UNC80: variants seen among roughly 807,000 people sequenced by gnomAD.
UNC80 encodes protein unc-80 homolog.
A neutral mutation model predicts 384.6 loss-of-function variants in UNC80; 164 were observed. The ratio of observed to expected loss-of-function variants is 0.43; its 90% CI spans 0.38 to 0.49. The LOEUF is 0.49. UNC80 is among the 20% of genes least tolerant of loss of function. UNC80 has a pLI of 0.00. For missense variants in UNC80, 3,330 were observed against 4,143.0 expected, an observed-to-expected ratio of 0.80 and a Z score of 5.39; for synonymous variants, 1,486 against 1,527.8, an observed-to-expected ratio of 0.97 and a Z score of 0.64.
At chr2:209,925,409 C>A (rs1036320788) in intron 35 of UNC80, among the ~76,000 whole-genome samples, 2 of 152,154 alleles carry the variant, frequency 1.3e-5, no homozygotes, top group Non-Finnish European at 2.9e-5. Context: ...AAAGGTAATG[C>A]GGACCCAAAG....
chr2:209,864,287 G>T (rs972633978), intron 22 of UNC80, among the ~76,000 whole-genome samples: 13 of 152,014 alleles, frequency 8.6e-5, no homozygotes, highest in Admixed American at 1.3e-4. Context: ...CCCTTTATAG[G>T]GTGTCTGACA....
intron 42 of UNC80, among the ~76,000 whole-genome samples, chr2:209,938,682 C>G (rs368953200): frequency 1.0e-5 from 1 of 99,700 alleles, no homozygotes; most frequent in African/African-American, 6.2e-5. Flanking sequence ...CTCTGTCTCT[C>G]TCTCTCTCTC....
chr2:209,812,313 G>T (rs2079423696), intron 7 of UNC80, among the ~76,000 whole-genome samples: 1 of 151,862 alleles, frequency 6.6e-6, no homozygotes, highest in Non-Finnish European at 1.5e-5. Flanking sequence ...GTCCGCCTCG[G>T]CCTCCCAAAG....
At chr2:209,853,990 A>G (rs1460383275) in intron 22 of UNC80, among the ~76,000 whole-genome samples, 3 of 152,088 alleles carry the variant, frequency 2.0e-5, no homozygotes, top group Non-Finnish European at 4.4e-5. Flanking sequence ...AGAGTGAAAG[A>G]GTTATCAATA....
chr2:209,882,187 C>T (rs773034072), intron 25 of UNC80, among the ~76,000 whole-genome samples: 4 of 151,916 alleles, frequency 2.6e-5, no homozygotes, highest in East Asian at 3.9e-4. Context: ...GGGATGGTCT[C>T]GATCTCCTGA....
At chr2:209,894,030 G>T in intron 26 of UNC80, 133 bp from the exon 27 acceptor site, 2 of 463,858 alleles carry the variant, frequency 4.3e-6, no homozygotes, top group Non-Finnish European at 5.7e-6. Flanking sequence ...GGGCTTGGGA[G>T]AAGCTCCTTG....
Position 209,830,789 on chromosome 2 carries a change from A to T in UNC80, c.2627-654A>T, listed in dbSNP as rs556396792. ...AGGTCGAAGGCTTCCATTCACGGGCATTTCACATGTGTGTGAGCAAGAAGG... is the reference window on the plus strand; with the variant it reads ...AGGTCGAAGGCTTCCATTCACGGGCTTTTCACATGTGTGTGAGCAAGAAGG... On this transcript the variant is annotated intron_variant, in intron 15 of 64. Transcript: ENST00000673920. Among the ~76,000 whole-genome samples the T allele has an allele frequency of 4.6e-5, 7 of 152,298 alleles. No individual in the cohort carries two copies. The South Asian group carries it at 1.4e-3, about 32-fold the overall frequency.
At position 209,853,281 on chromosome 2, in the gene UNC80, G is replaced by C. The variant is rs547876259; in HGVS notation, c.3627+3658G>C. 3.9e-5 allele frequency among the ~76,000 whole-genome samples: 6 copies of C among 152,136 alleles called. No individual in the cohort carries two copies. The East Asian group carries it at 9.6e-4, about 24-fold the overall frequency. On this transcript the variant is annotated intron_variant, in intron 22 of 64. Transcript: ENST00000673920. ...TGCATTTTGACATAATTTTATATTA[G>C]AATAGTTTCATTGTTTTATGTCCTT...
At chr2:209,975,023 T>C (rs1157075395) in intron 56 of UNC80, among the ~76,000 whole-genome samples, 1 of 152,150 alleles carries the variant, frequency 6.6e-6, no homozygotes, top group South Asian at 2.1e-4. Context: ...TAAGAAGGAA[T>C]CTTGCAATCT....
At chr2:209,983,162 A>T (rs552512877) in intron 60 of UNC80, among the ~76,000 whole-genome samples, 495 of 152,284 alleles carry the variant, frequency 3.3e-3, no homozygotes, top group African/African-American at 0.011. Flanking sequence ...CATGGAAAAT[A>T]ATAAAATTCA....
chr2:209,986,589 G>C (rs571918562), intron 61 of UNC80, among the ~76,000 whole-genome samples: 1 of 152,322 alleles, frequency 6.6e-6, no homozygotes, highest in East Asian at 1.9e-4. Flanking sequence ...AGTCATGGTA[G>C]TACTTTGATG....
Position 209,994,236 on chromosome 2 carries a change from C to A in UNC80, c.9680C>A (p.Ala3227Glu). ...ACATCTTCTCCCGCCATAGTTGTTG[C>A]GGATCTCCACAGCGTGTCTCCCAAG... is the stretch of plus-strand genomic sequence containing the variant. ...VLTSSPAIVV[A>E]DLHSVSPKQS... The change falls in exon 64 of 65, where the codon GCG (alanine) becomes GAG (glutamate). Residue 3227 changes from alanine (A) to glutamate (E), a missense_variant. Physicochemically the swap from Ala to Glu is moderately radical, Grantham distance 107. Coordinates refer to ENST00000673920, the MANE Select transcript of UNC80 (RefSeq NM_001371986.1). 1 of 1,550,738 alleles carries A rather than the reference C, an allele frequency of 6.4e-7. No homozygotes were observed. The highest frequency in any genetic ancestry group is 8.7e-7 in the Non-Finnish European group (1 of 1,146,602).
Position 209,974,258 on chromosome 2 carries a change from G to A in UNC80, c.8587+988G>A, listed in dbSNP as rs2092954052. The stretch of plus-strand genomic sequence containing the variant: ...ATAATGGGATGTGTTTGAAAATGAG[G>A]GGATTGACAATGAAAATGAAAAAGG... On this transcript the variant is annotated intron_variant, in intron 56 of 64. Transcript: ENST00000673920. Among the ~76,000 whole-genome samples, 3 of 152,130 alleles carry A rather than the reference G, an allele frequency of 2.0e-5. No homozygotes were observed. The South Asian group carries it at 6.2e-4, about 32-fold the overall frequency.
At chr2:209,776,845 C>T (rs1012408477) in intron 3 of UNC80, among the ~76,000 whole-genome samples, 1 of 152,202 alleles carries the variant, frequency 6.6e-6, no homozygotes, top group Non-Finnish European at 1.5e-5. Flanking sequence ...ATGTGTCCTA[C>T]CCATGTACCC....
At position 209,831,448 on chromosome 2, in the gene UNC80, G is replaced by T. The variant is rs1265891507; in HGVS notation, c.2632G>T (p.Ala878Ser). 6 of 1,547,596 alleles carry T rather than the reference G, an allele frequency of 3.9e-6. No homozygotes were observed. In the African/African-American group the frequency reaches 8.2e-5, roughly 21 times the overall value. The change falls in exon 16 of 65, where the codon GCT becomes TCT. Residue 878 changes from alanine to serine, a missense_variant. By Grantham distance (99) the Ala-to-Ser change is moderately conservative. Around this residue, in one of 8 missense-constraint regions of UNC80, gnomAD observed 937 missense variants for 1,026.8 expected, o/e 0.91. Transcript: ENST00000673920. Reference sequence around the variant, plus strand: ...TTTGTGCCTTTGCATTCCAGACAAGGCTGGGTTTGGAAATAACTTCACCAC... The same window carrying T: ...TTTGTGCCTTTGCATTCCAGACAAGTCTGGGTTTGGAAATAACTTCACCAC... ...FCMEPVTDNK[A>S]GFGNNFTTVD...
intron 6 of UNC80, 123 bp downstream of exon 6, chr2:209,789,728 T>C (rs575513155): frequency 1.9e-4 from 120 of 642,004 alleles, no homozygotes; most frequent in African/African-American, 1.7e-3. Flanking sequence ...CCTTTCTGAA[T>C]GTGCAACTTT....
rs144704772 is a variant in UNC80, at chr2:209,852,675, A to G, written c.3627+3052A>G. Reference sequence around the variant, plus strand: ...TGAATCAAAGCAGCATTTGGTGTTTACTGTCATTTGTACAGATGTGATAAC... The same window carrying G: ...TGAATCAAAGCAGCATTTGGTGTTTGCTGTCATTTGTACAGATGTGATAAC... On this transcript the variant is annotated intron_variant, in intron 22 of 64. Transcript: ENST00000673920. Among the ~76,000 whole-genome samples, 221 of 152,228 alleles carry G rather than the reference A, an allele frequency of 1.5e-3. 1 individual carries two copies. Among genetic ancestry groups the G allele is most frequent in the African/African-American group, 5.1e-3 (213 of 41,552 alleles).
chr2:209,836,818 C>A (rs917245582), intron 18 of UNC80, among the ~76,000 whole-genome samples: 2 of 152,146 alleles, frequency 1.3e-5, no homozygotes. Flanking sequence ...GTCACATTCA[C>A]TGAGTCATAT....
At chr2:209,964,785 CAAA>C (rs1299831479) in intron 51 of UNC80, among the ~76,000 whole-genome samples, 4 of 57,596 alleles carry the variant, frequency 6.9e-5, no homozygotes, top group Admixed American at 3.8e-4. Context: ...GACTCTGTCT[CAAA>C]AAAAAAAAAA....
Sources: gnomAD v4.1 joint callset for allele counts (sites outside exome capture counted in the v4.1 genomes callset) on GRCh38, gnomAD v4.1.1 for gene constraint, gnomAD v4.1.1 regional missense constraint, MANE v1.5 for transcripts, NCBI Gene and HGNC (gene_info 2026-07-23, HGNC 2026-07-21) for gene names.